PPP1R9A: variants seen among roughly 807,000 people sequenced by gnomAD.
The protein encoded by PPP1R9A is protein phosphatase 1 regulatory subunit 9A, also known as neurabin-1.
Under a neutral mutation model 141.9 loss-of-function variants are expected in PPP1R9A, and 59 were observed. That is an observed-to-expected ratio of 0.42 (90% confidence interval 0.34 to 0.52). The LOEUF is 0.52. Ranked by LOEUF, PPP1R9A falls within the 20% of genes least tolerant of loss-of-function variation. The pLI, the probability that PPP1R9A is intolerant of heterozygous loss-of-function variation, is 0.10. For missense variants in PPP1R9A, 1,444 were observed against 1,611.9 expected (o/e 0.90, Z 1.78); for synonymous variants, 500 against 569.7 (o/e 0.88, Z 1.74).
intron 2 of PPP1R9A, among the ~76,000 whole-genome samples, chr7:94,913,784 A>G (rs1040428089): frequency 2.6e-5 from 4 of 152,184 alleles, no homozygotes; most frequent in Non-Finnish European, 5.9e-5. Context: ...TTGAAGGCTT[A>G]TCATGTGTGT....
intron 2 of PPP1R9A, among the ~76,000 whole-genome samples, chr7:94,947,538 A>G (rs1235680714): frequency 6.6e-6 from 1 of 152,108 alleles, no homozygotes; most frequent in African/African-American, 2.4e-5. Context: ...GTGGGTTCAG[A>G]TGCTGGGTAC....
intron 8 of PPP1R9A, among the ~76,000 whole-genome samples, chr7:95,230,485 G>A (rs1795772231): frequency 6.6e-6 from 1 of 151,940 alleles, no homozygotes; most frequent in African/African-American, 2.4e-5. Context: ...ACAACTTCTG[G>A]AAATCAAGGA....
Position 94,909,939 on chromosome 7 carries a change from C to T in PPP1R9A, c.-175C>T. On this transcript the variant is annotated 5_prime_UTR_variant, in exon 2 of 20. Transcript: ENST00000433360. ...GCTTTGAAAAAATCATTCTGTGTAA[C>T]TCTTGACTGTGACTAAGTTCCTAAT... is the stretch of plus-strand genomic sequence containing the variant. 1 of 539,878 alleles carries T rather than the reference C, an allele frequency of 1.9e-6. No individual in the cohort carries two copies. The highest frequency in any genetic ancestry group is 3.4e-5 in the South Asian group (1 of 29,104). The allele number at this position is 539,878 out of a possible 1,614,324, so 33.4% of individuals were successfully genotyped here.
intron 2 of PPP1R9A, among the ~76,000 whole-genome samples, chr7:94,977,764 CTTT>C (rs370362125): frequency 3.8e-5 from 5 of 131,350 alleles, no homozygotes; most frequent in Non-Finnish European, 5.0e-5. Flanking sequence ...TTTTCATTTT[CTTT>C]TTTTTTTTTT....
chr7:94,953,012 T>G (rs1796651415), intron 2 of PPP1R9A, among the ~76,000 whole-genome samples: 2 of 152,340 alleles, frequency 1.3e-5, no homozygotes, highest in South Asian at 4.1e-4. Flanking sequence ...TTTTGGTGTT[T>G]TAGCCATGAA....
At chr7:95,168,171 C>T (rs1831557457) in intron 5 of PPP1R9A, among the ~76,000 whole-genome samples, 1 of 152,046 alleles carries the variant, frequency 6.6e-6, no homozygotes, top group Non-Finnish European at 1.5e-5. Flanking sequence ...ACCAGAACAG[C>T]AAGATATTGG....
intron 5 of PPP1R9A, among the ~76,000 whole-genome samples, chr7:95,171,605 A>C (rs554050324): frequency 6.6e-6 from 1 of 151,640 alleles, no homozygotes; most frequent in Non-Finnish European, 1.5e-5. Context: ...GTTAAATTTT[A>C]TGGAAGACAG....
chr7:95,241,221 G>A (rs879564495), intron 8 of PPP1R9A, among the ~76,000 whole-genome samples: 1 of 152,178 alleles, frequency 6.6e-6, no homozygotes, highest in Admixed American at 6.5e-5. Context: ...CTGAAAGTAT[G>A]CAGTGTGCCA....
chr7:94,977,157 A>C (rs1799542786), intron 2 of PPP1R9A, among the ~76,000 whole-genome samples: 1 of 152,152 alleles, frequency 6.6e-6, no homozygotes, highest in African/African-American at 2.4e-5. Context: ...ATTAAACTTG[A>C]GGTGCCTGTT....
chr7:95,217,179 C>T (rs1046636417), intron 7 of PPP1R9A, among the ~76,000 whole-genome samples: 27 of 152,054 alleles, frequency 1.8e-4, no homozygotes, highest in Middle Eastern at 6.8e-3. Context: ...TAGCATGAAG[C>T]GCTGTTGAAT....
intron 7 of PPP1R9A, among the ~76,000 whole-genome samples, chr7:95,220,673 C>A (rs895989593): frequency 1.8e-4 from 27 of 152,024 alleles, no homozygotes; most frequent in Non-Finnish European, 1.0e-4. Flanking sequence ...ACCGGGATTG[C>A]AGGGATAAAT....
intron 2 of PPP1R9A, among the ~76,000 whole-genome samples, chr7:95,068,500 A>AG (rs1813301370): frequency 1.5e-4 from 22 of 148,792 alleles, no homozygotes; most frequent in South Asian, 4.2e-4. Flanking sequence ...AAAAAAGACA[A>AG]ACAAAACACA....
chr7:95,149,556 C>A (rs1243765192), intron 4 of PPP1R9A, among the ~76,000 whole-genome samples: 2 of 151,802 alleles, frequency 1.3e-5, no homozygotes, highest in African/African-American at 4.8e-5. Context: ...ATACAAAAGT[C>A]ATTCATTTTC....
At chr7:95,042,648 A>G (rs1266912208) in intron 2 of PPP1R9A, among the ~76,000 whole-genome samples, 1 of 152,150 alleles carries the variant, frequency 6.6e-6, no homozygotes, top group East Asian at 1.9e-4. Flanking sequence ...CCTGCTCTTC[A>G]CAGGTGTATA....
chr7:94,936,599 T>G (rs1794781940), intron 2 of PPP1R9A, among the ~76,000 whole-genome samples: 2 of 152,146 alleles, frequency 1.3e-5, no homozygotes, highest in Middle Eastern at 3.4e-3. Flanking sequence ...TTAAAGTTGT[T>G]TAAACAGTGT....
At chr7:95,150,639 C>CT (rs1828495127) in intron 4 of PPP1R9A, among the ~76,000 whole-genome samples, 2 of 152,060 alleles carry the variant, frequency 1.3e-5, no homozygotes, top group Admixed American at 1.3e-4. Flanking sequence ...AAGGCATAAT[C>CT]TATGAAAGAA....
chr7:95,116,348 T>C (rs946050751), intron 3 of PPP1R9A, among the ~76,000 whole-genome samples: 2 of 152,130 alleles, frequency 1.3e-5, no homozygotes, highest in Admixed American at 1.3e-4. Flanking sequence ...GAAAACCAAA[T>C]TGATTCAATA....
At chr7:95,168,729 A>G (rs184652458) in intron 5 of PPP1R9A, among the ~76,000 whole-genome samples, 201 of 152,230 alleles carry the variant, frequency 1.3e-3, no homozygotes, top group African/African-American at 4.4e-3. Flanking sequence ...TCGGCAAAGG[A>G]TATGAATAGA....
At chr7:95,154,172 G>C (rs751082767) in intron 4 of PPP1R9A, among the ~76,000 whole-genome samples, 25 of 150,530 alleles carry the variant, frequency 1.7e-4, no homozygotes, top group South Asian at 2.1e-4. Flanking sequence ...TTTCCTCTTA[G>C]CACTGCATTT....
Sources: allele counts gnomAD v4.1 joint callset (sites outside exome capture counted in the v4.1 genomes callset), GRCh38; gene constraint gnomAD v4.1.1; transcripts MANE v1.5; gene names NCBI Gene and HGNC (gene_info 2026-07-23, HGNC 2026-07-21).